Variants in CTDSPL2 observed in about 807,000 individuals in gnomAD.
CTDSPL2 encodes CTD small phosphatase like 2, also known as CTD small phosphatase-like protein 2.
In CTDSPL2, 5 loss-of-function variants were observed where a neutral mutation model predicts 60.0. The observed-to-expected ratio is 0.08, with a 90% CI of 0.04 to 0.18. The LOEUF is 0.18. Ranked by LOEUF, CTDSPL2 falls within the 10% of genes least tolerant of loss-of-function variation. The pLI is 1.00. For synonymous variants in CTDSPL2, 186 were observed against 189.3 expected, an observed-to-expected ratio of 0.98 and a Z score of 0.14; for missense variants, 370 against 548.8, an observed-to-expected ratio of 0.67 and a Z score of 3.26.
chr15:44,519,381 A>G, intron 11 of CTDSPL2, 86 bp downstream of exon 11: 2 of 1,133,714 alleles, frequency 1.8e-6, no homozygotes, highest in Non-Finnish European at 2.5e-6. Flanking sequence ...TGGGAGAAGA[A>G]GAAGAGAATT....
intron 7 of CTDSPL2, among the ~76,000 whole-genome samples, chr15:44,498,587 A>T (rs866452933): frequency 2.0e-5 from 3 of 150,786 alleles, no homozygotes; most frequent in African/African-American, 7.3e-5. Context: ...TCTCATTTCA[A>T]TTTTAAAAGG....
chr15:44,484,343 G>A lies in CTDSPL2; in HGVS notation c.306G>A (p.Arg102=). 1 of 1,613,494 alleles carries A rather than the reference G, an allele frequency of 6.2e-7. No individual in the cohort carries two copies. The highest frequency in any genetic ancestry group is 8.5e-7 in the Non-Finnish European group (1 of 1,179,696). ...KPNKQISRVR[R]KSQVNGEAGS... Reference sequence around the variant, plus strand: ...ACAAACAGATATCTCGAGTAAGACGGAAAAGTCAAGTAAATGGAGGTTTGT... The same window carrying A: ...ACAAACAGATATCTCGAGTAAGACGAAAAAGTCAAGTAAATGGAGGTTTGT... The change falls in exon 3 of 13, where the codon CGG becomes CGA. Residue 102 remains arginine (R), a synonymous_variant. Coordinates refer to ENST00000260327, the MANE Select transcript of CTDSPL2 (RefSeq NM_016396.3).
At chr15:44,521,503 T>C (rs546250036) in intron 12 of CTDSPL2, 97 bp downstream of exon 12, 11 of 638,714 alleles carry the variant, frequency 1.7e-5, no homozygotes, top group Admixed American at 1.5e-4. Flanking sequence ...TACTGACTTA[T>C]AAAGTCAACT....
At chr15:44,498,423 C>T (rs1336120938) in intron 7 of CTDSPL2, among the ~76,000 whole-genome samples, 5 of 151,764 alleles carry the variant, frequency 3.3e-5, no homozygotes, top group South Asian at 2.1e-4. Flanking sequence ...GTGAGACCCA[C>T]GTCTCTACAA....
At chr15:44,448,707 A>G (rs1472889112) in intron 1 of CTDSPL2, 1 of 333,760 alleles carries the variant, frequency 3.0e-6, no homozygotes, top group Admixed American at 3.8e-5. Context: ...TTCCCATTCC[A>G]GTGCCTTTAT....
chr15:44,514,727 C>G (rs1018975146), intron 9 of CTDSPL2, 38 bp from the exon 10 acceptor site: 1 of 1,526,966 alleles, frequency 6.5e-7, no homozygotes, highest in African/African-American at 1.4e-5. Context: ...ATATTTAGAC[C>G]ATGTATAATG....
rs918827496 is a variant in CTDSPL2, at chr15:44,527,576, G to A, written c.*3402G>A. 6.6e-6 allele frequency: 1 copy of A among 152,116 alleles called. No individual in the cohort carries two copies. Among genetic ancestry groups the A allele is most frequent in the Non-Finnish European group, 1.5e-5 (1 of 67,992 alleles). 9.4% of individuals were successfully genotyped at this position (152,116 alleles called of 1,614,324 possible). On this transcript the variant is annotated 3_prime_UTR_variant, in exon 13 of 13. Coordinates refer to ENST00000260327, the MANE Select transcript of CTDSPL2 (RefSeq NM_016396.3). ...AGGACATTGAAGCCTTTATTTAATT[G>A]TACTAATATGATGGTGTTATATACT...
At chr15:44,473,695 T>C (rs866155139) in intron 2 of CTDSPL2, among the ~76,000 whole-genome samples, 1 of 152,376 alleles carries the variant, frequency 6.6e-6, no homozygotes, top group South Asian at 2.1e-4. Context: ...ATCTTCATTA[T>C]TTTGCATGTT....
chr15:44,486,564 T>C lies in CTDSPL2; in HGVS notation c.339T>C (p.Tyr113=), dbSNP rs200103443. The C allele has an allele frequency of 8.9e-6, 14 of 1,566,736 alleles. No homozygotes were observed. The highest frequency in any genetic ancestry group is 1.9e-4 in the Middle Eastern group (1 of 5,380). Residue 113 remains tyrosine, a synonymous_variant, in exon 4 of 13, where the codon TAT becomes TAC. Coordinates refer to ENST00000260327, the MANE Select transcript of CTDSPL2 (RefSeq NM_016396.3). Reference sequence around the variant, plus strand: ...TTTCTTTTTTAGAAGCTGGTAGTTATGAAATGACAAATCAACATGTAAAAC... The same window carrying C: ...TTTCTTTTTTAGAAGCTGGTAGTTACGAAATGACAAATCAACATGTAAAAC... ...KSQVNGEAGS[Y]EMTNQHVKQN... is the part of the protein sequence containing the mutation.
In CTDSPL2 at chr15:44,524,785, G is replaced by C. The variant is rs758440568; in HGVS notation, c.*611G>C. On this transcript the variant is annotated 3_prime_UTR_variant, in exon 13 of 13. Coordinates refer to ENST00000260327, the MANE Select transcript of CTDSPL2 (RefSeq NM_016396.3). ...ATTTGAATGGCCGTTTTCCTGCTTTGTCTGCCTGCACATTGTATATTTGTT... is the reference window on the plus strand; with the variant it reads ...ATTTGAATGGCCGTTTTCCTGCTTTCTCTGCCTGCACATTGTATATTTGTT... 3 of 152,472 alleles carry C rather than the reference G, an allele frequency of 2.0e-5. No individual in the cohort carries two copies. Among genetic ancestry groups the C allele is most frequent in the Non-Finnish European group, 4.4e-5 (3 of 68,050 alleles). 9.4% of individuals were successfully genotyped at this position (152,472 alleles called of 1,614,324 possible).
At chr15:44,468,656 GCTA>G (rs2080744190) in intron 2 of CTDSPL2, among the ~76,000 whole-genome samples, 1 of 152,156 alleles carries the variant, frequency 6.6e-6, no homozygotes, top group Admixed American at 6.6e-5. Flanking sequence ...CTCTGTTGCA[GCTA>G]CTATTCAACT....
chr15:44,493,898 A>G (rs534049572), intron 5 of CTDSPL2, among the ~76,000 whole-genome samples: 1 of 152,322 alleles, frequency 6.6e-6, no homozygotes, highest in African/African-American at 2.4e-5. Context: ...GATTATTGGA[A>G]GCATAATGTC....
intron 1 of CTDSPL2, among the ~76,000 whole-genome samples, chr15:44,446,799 A>C (rs868110384): frequency 7.9e-6 from 1 of 127,150 alleles, no homozygotes; most frequent in African/African-American, 3.0e-5. Context: ...TCTGTTGCCC[A>C]GGCTGGAGTG....
intron 2 of CTDSPL2, among the ~76,000 whole-genome samples, chr15:44,475,901 A>G (rs959831753): frequency 6.6e-6 from 1 of 152,272 alleles, no homozygotes; most frequent in Non-Finnish European, 1.5e-5. Context: ...TTCATTTGCT[A>G]TTGACAATTG....
Position 44,486,692 on chromosome 15 carries a change from A to G in CTDSPL2, c.467A>G (p.Asn156Ser). 3 of 1,585,426 alleles carry G rather than the reference A, an allele frequency of 1.9e-6. No homozygotes were observed. The highest frequency in any genetic ancestry group is 2.6e-6 in the Non-Finnish European group (3 of 1,170,074). Residue 156 changes from asparagine (N) to serine (S), a missense_variant, in exon 4 of 13, where the codon AAT becomes AGT. This residue lies in a region of CTDSPL2 where 287 missense variants were observed against 296.1 expected (regional missense o/e 0.97). Transcript: ENST00000260327. ...GTCTTCAACTTTTTTTCACCAGCAA[A>G]TAAAAATGGTAAGTATAAACTGTTA... Reference protein sequence around the residue: ...SPVFNFFSPANKNGTSGSDSP... With the variant: ...SPVFNFFSPASKNGTSGSDSP...
intron 1 of CTDSPL2, among the ~76,000 whole-genome samples, chr15:44,442,049 A>ACG (rs2080099196): frequency 1.3e-5 from 2 of 151,912 alleles, no homozygotes; most frequent in African/African-American, 4.8e-5. Context: ...TTCCCTCAAA[A>ACG]CTGTCTTGTG....
chr15:44,459,046 A>G lies in CTDSPL2; in HGVS notation c.32A>G (p.Gln11Arg), dbSNP rs142960227. The G allele has an allele frequency of 6.2e-7, 1 of 1,602,296 alleles. No homozygotes were observed. Among genetic ancestry groups the G allele is most frequent in the African/African-American group, 1.3e-5 (1 of 74,272 alleles). MRLRTRKASQ[Q>R]SNQIQTQRTA... Reference sequence around the variant, plus strand: ...CTGAGAACACGGAAAGCTTCTCAGCAGTCAAATCAAATCCAAACACAACGC... The same window carrying G: ...CTGAGAACACGGAAAGCTTCTCAGCGGTCAAATCAAATCCAAACACAACGC... Residue 11 changes from glutamine to arginine, a missense_variant, in exon 2 of 13, where the codon CAG (glutamine) becomes CGG (arginine). Gln to Arg is a conservative substitution (Grantham distance 43). This residue lies in a region of CTDSPL2 where 287 missense variants were observed against 296.1 expected (regional missense o/e 0.97). Coordinates refer to ENST00000260327, the MANE Select transcript of CTDSPL2 (RefSeq NM_016396.3).
intron 2 of CTDSPL2, among the ~76,000 whole-genome samples, chr15:44,479,407 C>CTTTTTTTTTTTT (rs11414036): frequency 1.0e-5 from 1 of 97,894 alleles, no homozygotes; most frequent in Non-Finnish European, 2.0e-5. Context: ...ATTTTCTTTC[C>CTTTTTTTTTTTT]TTTTTTTTTT....
intron 12 of CTDSPL2, among the ~76,000 whole-genome samples, chr15:44,523,266 G>A (rs921193532): frequency 4.6e-5 from 7 of 152,070 alleles, no homozygotes; most frequent in African/African-American, 1.4e-4. Flanking sequence ...CAAAGTGCTG[G>A]GATTATAGGC....
Sources: gnomAD v4.1 joint callset for allele counts (sites outside exome capture counted in the v4.1 genomes callset) on GRCh38, gnomAD v4.1.1 for gene constraint, gnomAD v4.1.1 regional missense constraint, MANE v1.5 for transcripts, NCBI Gene and HGNC (gene_info 2026-07-23, HGNC 2026-07-21) for gene names.